Variants in STAB2 observed in about 807,000 individuals in gnomAD.
The protein encoded by STAB2 is stabilin 2, also known as stabilin-2.
A neutral mutation model predicts 338.1 loss-of-function variants in STAB2; 288 were observed. That is an observed-to-expected ratio of 0.85 (90% CI 0.77 to 0.94). The LOEUF is 0.94. STAB2 is among the 40% of genes least tolerant of loss of function. The probability of loss-of-function intolerance (pLI) is 0.00; values close to 1 mark genes in which losing one functional copy is unlikely to be tolerated. For missense variants in STAB2, 3,141 were observed against 3,210.1 expected, an observed-to-expected ratio of 0.98 and a Z score of 0.52; for synonymous variants, 1,202 against 1,193.3, an observed-to-expected ratio of 1.01 and a Z score of -0.15.
At chr12:103,647,010 A>T (rs995045856) in intron 9 of STAB2, among the ~76,000 whole-genome samples, 1 of 152,206 alleles carries the variant, frequency 6.6e-6, no homozygotes, top group Non-Finnish European at 1.5e-5. Flanking sequence ...CTAAAAAAAG[A>T]AGTAGTTTAG....
In STAB2 at chr12:103,759,207, C is replaced by T; in HGVS notation, c.7182C>T (p.Gly2394=). 1 of 1,614,192 alleles carries T rather than the reference C, an allele frequency of 6.2e-7. No individual in the cohort carries two copies. The highest frequency in any genetic ancestry group is 8.5e-7 in the Non-Finnish European group (1 of 1,180,048). ...SMFFYNDLVN[G]TTLQTRLGSK... is the part of the protein sequence containing the mutation. ...TTTTCTACAATGACCTTGTCAATGG[C>T]ACCACCCTGCAAACGAGGCTGGGAA... The change falls in exon 65 of 69, where the codon GGC becomes GGT. Residue 2394 remains glycine, a synonymous_variant. Transcript: ENST00000388887.
chr12:103,765,805 G>A (rs1194860750), intron 68 of STAB2, among the ~76,000 whole-genome samples: 1 of 152,074 alleles, frequency 6.6e-6, no homozygotes, highest in East Asian at 1.9e-4. Context: ...GCCTCCCGAA[G>A]TGCTGGGATT....
At position 103,763,561 on chromosome 12, in the gene STAB2, G is replaced by C. The variant is rs772152293; in HGVS notation, c.7558G>C (p.Glu2520Gln). 15 of 1,614,086 alleles carry C rather than the reference G, an allele frequency of 9.3e-6. No homozygotes were observed. The South Asian group carries it at 1.6e-4, about 18-fold the overall frequency. Residue 2520 changes from glutamate to glutamine, a missense_variant, in exon 68 of 69, where the codon GAG becomes CAG. Transcript: ENST00000388887. ...TGAGAATATCTCGAACCCCTTGTAT[G>C]AGAGCACAACCTCAGCTCCCCCAGA... ...QPENISNPLY[E>Q]STTSAPPEPS...
At chr12:103,662,116 T>G (rs1231825021) in intron 17 of STAB2, among the ~76,000 whole-genome samples, 1 of 152,148 alleles carries the variant, frequency 6.6e-6, no homozygotes, top group Non-Finnish European at 1.5e-5. Flanking sequence ...AATGGCTGAA[T>G]TTTGAATGTA....
intron 56 of STAB2, among the ~76,000 whole-genome samples, chr12:103,742,979 C>T (rs1882704466): frequency 6.7e-6 from 1 of 150,004 alleles, no homozygotes. Context: ...AACCAAGGTA[C>T]AAAGAGCTTA....
At chr12:103,719,151 A>G (rs1428203723) in intron 44 of STAB2, among the ~76,000 whole-genome samples, 1 of 152,150 alleles carries the variant, frequency 6.6e-6, no homozygotes, top group Non-Finnish European at 1.5e-5. Flanking sequence ...CAAAGGGATG[A>G]GATAAGCCTG....
At position 103,703,241 on chromosome 12, in the gene STAB2, A is replaced by G. The variant is rs1879059328; in HGVS notation, c.3808A>G (p.Asn1270Asp). 1 of 1,613,906 alleles carries G rather than the reference A, an allele frequency of 6.2e-7. No homozygotes were observed. Among genetic ancestry groups the G allele is most frequent in the East Asian group, 2.2e-5 (1 of 44,876 alleles). The change falls in exon 35 of 69, where the codon AAC becomes GAC. Residue 1270 changes from asparagine to aspartate, a missense_variant. Transcript: ENST00000388887. ...GGGAAAAGTTCTGGAAATTCAGAAG[A>G]ACAGATGTGATAATAATGACACTAC... ...GLGKVLEIQK[N>D]RCDNNDTTII...
chr12:103,591,990 T>C (rs924582380), intron 2 of STAB2: 2 of 152,214 alleles, frequency 1.3e-5, no homozygotes, highest in Non-Finnish European at 2.9e-5. Context: ...AACACTATTA[T>C]ATCACACTAT....
At chr12:103,723,242 C>A (rs528482763) in intron 44 of STAB2, among the ~76,000 whole-genome samples, 8 of 152,272 alleles carry the variant, frequency 5.3e-5, no homozygotes, top group Non-Finnish European at 1.2e-4. Context: ...GGGCAACTTA[C>A]AAAAGAAAGG....
chr12:103,685,422 C>CTATGTGTGTGTGTG (rs1405083689), intron 27 of STAB2, among the ~76,000 whole-genome samples: 2 of 145,816 alleles, frequency 1.4e-5, no homozygotes, highest in African/African-American at 5.0e-5. Context: ...CTTACCCATG[C>CTATGTGTGTGTGTG]TGTGTGTGTG....
In STAB2 at chr12:103,660,388, G is replaced by C; in HGVS notation, c.1788+4G>C. On this transcript the variant is annotated splice_donor_region_variant and intron_variant, in intron 16 of 68. Coordinates refer to ENST00000388887, the MANE Select transcript of STAB2 (RefSeq NM_017564.10). ...CCACATTGTCCCATTTACCCAGGTT[G>C]GCCCCACTTTTCCTGCTGCTACTTT... 6.2e-7 allele frequency: 1 copy of C among 1,614,130 alleles called. No individual in the cohort carries two copies. The highest frequency in any genetic ancestry group is 8.5e-7 in the Non-Finnish European group (1 of 1,180,014).
At chr12:103,717,701 G>C (rs548740512) in intron 43 of STAB2, 69 bp from the exon 44 acceptor site, 3 of 1,379,270 alleles carry the variant, frequency 2.2e-6, no homozygotes, top group East Asian at 2.3e-5. Context: ...TCAGGTCTGA[G>C]AGCCAGACCA....
At chr12:103,757,938 T>C (rs1884256447) in intron 63 of STAB2, 1 of 566,524 alleles carries the variant, frequency 1.8e-6, no homozygotes, top group South Asian at 2.3e-5. Context: ...AGCAGCCACG[T>C]GGAGGATGGG....
At chr12:103,705,520 C>T in intron 36 of STAB2, 112 bp from the exon 37 acceptor site, 3 of 820,236 alleles carry the variant, frequency 3.7e-6, no homozygotes, top group Non-Finnish European at 6.0e-6. Flanking sequence ...ACCTTCTCTT[C>T]CCACAACACT....
intron 44 of STAB2, among the ~76,000 whole-genome samples, chr12:103,721,524 GGTCAAT>G (rs1036896871): frequency 1.3e-5 from 2 of 152,212 alleles, no homozygotes; most frequent in African/African-American, 2.4e-5. Flanking sequence ...TGATCATGTA[GGTCAAT>G]GTCAATGTCT....
At chr12:103,669,689 AC>A in intron 21 of STAB2, 62 bp downstream of exon 21, 1 of 1,478,194 alleles carries the variant, frequency 6.8e-7, no homozygotes, top group Non-Finnish European at 9.4e-7. Context: ...GAACTTCTAA[AC>A]CAAAATGTGA....
rs142322526 is a variant in STAB2, at chr12:103,710,810, C to T, written c.4289-661C>T. Among the ~76,000 whole-genome samples, 35 of 152,272 alleles carry T rather than the reference C, an allele frequency of 2.3e-4. No individual in the cohort carries two copies. The East Asian group carries it at 6.6e-3, about 29-fold the overall frequency. ...GCCAGGATTGGTAAGATTTCTATCC[C>T]AAAAGCTCTTAACATGAGCATCCTA... On this transcript the variant is annotated intron_variant, in intron 39 of 68. Transcript: ENST00000388887.
intron 6 of STAB2, among the ~76,000 whole-genome samples, chr12:103,633,205 A>T (rs1855041907): frequency 6.6e-6 from 1 of 152,238 alleles, no homozygotes; most frequent in African/African-American, 2.4e-5. Flanking sequence ...CAGGAGACCC[A>T]GTCCAGAAGC....
At position 103,737,716 on chromosome 12, in the gene STAB2, A is replaced by G; in HGVS notation, c.5633A>G (p.Asp1878Gly). The G allele has an allele frequency of 1.2e-6, 2 of 1,611,798 alleles. No individual in the cohort carries two copies. Among genetic ancestry groups the G allele is most frequent in the Non-Finnish European group, 1.7e-6 (2 of 1,179,822 alleles). ...GACCTGGGTGTGGCCTACGGCATTG[A>G]CTGTCTGCTGATTGATCCCACCCTG... ...LFDLGVAYGI[D>G]CLLIDPTLGG... The change falls in exon 53 of 69, where the codon GAC becomes GGC. Residue 1878 changes from aspartate (D) to glycine (G), a missense_variant. Coordinates refer to ENST00000388887, the MANE Select transcript of STAB2 (RefSeq NM_017564.10).
Sources: gnomAD v4.1 joint callset for allele counts (sites outside exome capture counted in the v4.1 genomes callset) on GRCh38, gnomAD v4.1.1 for gene constraint, MANE v1.5 for transcripts, NCBI Gene and HGNC (gene_info 2026-07-23, HGNC 2026-07-21) for gene names.